TUBGCP5: variants seen among roughly 807,000 people sequenced by gnomAD.
The protein encoded by TUBGCP5 is gamma-tubulin complex component 5.
Under a neutral mutation model 134.7 loss-of-function variants are expected in TUBGCP5, and 98 were observed. The observed-to-expected ratio is 0.73, with a 90% CI of 0.62 to 0.86. TUBGCP5 has a LOEUF of 0.86. Ranked by LOEUF, TUBGCP5 falls within the 40% of genes least tolerant of loss-of-function variation. TUBGCP5 has a pLI of 0.00. For synonymous variants in TUBGCP5, 456 were observed against 431.4 expected, an observed-to-expected ratio of 1.06 and a Z score of -0.71; for missense variants, 1,150 against 1,244.8, an observed-to-expected ratio of 0.92 and a Z score of 1.15.
chr15:23,034,093 C>CA (rs1262961281), intron 3 of TUBGCP5, among the ~76,000 whole-genome samples: 1 of 152,174 alleles, frequency 6.6e-6, no homozygotes, highest in African/African-American at 2.4e-5. Context: ...TCTGTATGCT[C>CA]AGATCTTGAA....
intron 23 of TUBGCP5, among the ~76,000 whole-genome samples, chr15:22,990,792 C>A (rs534073146): frequency 1.3e-5 from 2 of 152,252 alleles, no homozygotes; most frequent in South Asian, 2.1e-4. Context: ...TCTGAAGGGG[C>A]CCTAAATCCA....
chr15:22,999,878 A>G lies in TUBGCP5; in HGVS notation c.3029-12T>C, dbSNP rs2064268325. 2.5e-6 allele frequency: 4 copies of G among 1,613,436 alleles called. No individual in the cohort carries two copies. In the African/African-American group the frequency reaches 4.0e-5, roughly 16 times the overall value. On this transcript the variant is annotated splice_polypyrimidine_tract_variant and intron_variant, in intron 22 of 22. Coordinates refer to ENST00000615383, the MANE Select transcript of TUBGCP5 (RefSeq NM_052903.6). ...CGCTAGAGATTCCACTGTGGGAAGAATAAAAATAAGGTTAAAACAATAGGT... is the reference window on the plus strand; with the variant it reads ...CGCTAGAGATTCCACTGTGGGAAGAGTAAAAATAAGGTTAAAACAATAGGT...
intron 3 of TUBGCP5, among the ~76,000 whole-genome samples, chr15:23,036,671 C>T (rs912053192): frequency 5.3e-5 from 8 of 152,056 alleles, no homozygotes; most frequent in Admixed American, 2.0e-4. Context: ...TCTCTCTTTC[C>T]TTAGTAGGAC....
Position 22,988,481 on chromosome 15 carries a change from C to A in TUBGCP5, c.*62-4870G>T, listed in dbSNP as rs112037773. Among the ~76,000 whole-genome samples, 15 of 151,760 alleles carry A rather than the reference C, an allele frequency of 9.9e-5. 1 individual carries two copies. The highest frequency in any genetic ancestry group is 1.8e-4 in the Non-Finnish European group (12 of 67,982). ...GGTTGCGGTGGCTGAAGCCTGTAAT[C>A]CCAGCACTTTGGGAGGCCAAGGCGG... On this transcript the variant is annotated intron_variant and NMD_transcript_variant, in intron 23 of 23. Coordinates refer to the TUBGCP5 transcript ENST00000614508.
chr15:22,990,968 G>A (rs2063827003), intron 23 of TUBGCP5, among the ~76,000 whole-genome samples: 1 of 152,146 alleles, frequency 6.6e-6, no homozygotes, highest in Non-Finnish European at 1.5e-5. Context: ...TGGCCCTATT[G>A]CTCCCTTGAA....
rs2066623936 is a variant in TUBGCP5, at chr15:23,036,944, T to C, written c.262A>G (p.Thr88Ala). ...LSKAASWKRL[T>A]EEFLNAPLPS... ...AGTGGTGCATTTAGAAATTCCTCCGTTAATCTCTTCCAACTAGCAGCTTTG... is the reference window on the plus strand; with the variant it reads ...AGTGGTGCATTTAGAAATTCCTCCGCTAATCTCTTCCAACTAGCAGCTTTG... The change falls in exon 3 of 23, where the codon ACG becomes GCG. Residue 88 changes from threonine to alanine, a missense_variant. Thr to Ala is a moderately conservative substitution (Grantham distance 58). This residue lies in a region of TUBGCP5 where 453 missense variants were observed against 394.7 expected (regional missense o/e 1.15). Transcript: ENST00000615383. The C allele has an allele frequency of 6.2e-7, 1 of 1,612,822 alleles. No homozygotes were observed.
chr15:22,997,691 A>C (rs1024195665), downstream of TUBGCP5, among the ~76,000 whole-genome samples: 1 of 150,916 alleles, frequency 6.6e-6, no homozygotes, highest in Non-Finnish European at 1.5e-5. Context: ...ATCTCAGCTC[A>C]CTGCAACCTC....
chr15:23,037,216 T>C (rs910247172), intron 1 of TUBGCP5, 64 bp from the exon 2 acceptor site: 1 of 1,463,786 alleles, frequency 6.8e-7, no homozygotes, highest in Non-Finnish European at 9.5e-7. Flanking sequence ...ACTCATCTCA[T>C]GGCCCTCCAT....
chr15:23,039,331 C>T, intron 1 of TUBGCP5, 67 bp downstream of exon 1: 2 of 1,251,874 alleles, frequency 1.6e-6, no homozygotes, highest in Non-Finnish European at 1.0e-6. Context: ...CGACCCCGGG[C>T]TGTGCGGGAC....
chr15:23,029,709 C>T (rs186764542), intron 6 of TUBGCP5, among the ~76,000 whole-genome samples: 1 of 152,188 alleles, frequency 6.6e-6, no homozygotes, highest in East Asian at 1.9e-4. Context: ...CATGGTGAAA[C>T]CCTGTCTCTA....
intron 6 of TUBGCP5, among the ~76,000 whole-genome samples, chr15:23,030,201 A>G (rs2066226191): frequency 6.6e-6 from 1 of 152,108 alleles, no homozygotes; most frequent in Non-Finnish European, 1.5e-5. Flanking sequence ...GTCTCCAAAA[A>G]AAAAGAAAAG....
chr15:23,019,272 C>T lies in TUBGCP5; in HGVS notation c.1434G>A (p.Glu478=), dbSNP rs369485377. Residue 478 remains glutamate (E), a synonymous_variant, in exon 12 of 23, where the codon GAG becomes GAA. Coordinates refer to ENST00000615383, the MANE Select transcript of TUBGCP5 (RefSeq NM_052903.6). ...CCCACAGGTGCCCGTGCACGATCCA[C>T]TCGTCCACCGTCTGCAGGTAAGGCC... The part of the protein sequence containing the change: ...TVRPYLQTVD[E]WIVHGHLWDG... The T allele has an allele frequency of 2.5e-6, 4 of 1,613,984 alleles. No homozygotes were observed. The highest frequency in any genetic ancestry group is 1.3e-5 in the African/African-American group (1 of 74,914).
At chr15:22,998,086 G>T (rs1289650717), downstream of TUBGCP5, among the ~76,000 whole-genome samples, 3 of 152,050 alleles carry the variant, frequency 2.0e-5, no homozygotes, top group African/African-American at 4.8e-5. Flanking sequence ...AGGCTAAGGC[G>T]GGTGGATCAC....
At chr15:22,991,954 C>T (rs530177654) in intron 23 of TUBGCP5, among the ~76,000 whole-genome samples, 5 of 152,236 alleles carry the variant, frequency 3.3e-5, no homozygotes, top group African/African-American at 1.2e-4. Flanking sequence ...TCTTGAGCAC[C>T]GTCTGGTCCA....
intron 6 of TUBGCP5, among the ~76,000 whole-genome samples, chr15:23,029,285 G>T (rs144253558): frequency 6.6e-6 from 1 of 152,116 alleles, no homozygotes; most frequent in Non-Finnish European, 1.5e-5. Flanking sequence ...GCAATGGTGT[G>T]ATCTTGGCTC....
intron 23 of TUBGCP5, among the ~76,000 whole-genome samples, chr15:22,987,506 A>G (rs2063714868): frequency 6.6e-6 from 1 of 152,060 alleles, no homozygotes; most frequent in Admixed American, 6.6e-5. Flanking sequence ...TTGAAACCCC[A>G]TCACCAAGAT....
chr15:23,021,280 A>AT (rs1352148463), intron 11 of TUBGCP5, among the ~76,000 whole-genome samples: 13 of 152,076 alleles, frequency 8.5e-5, no homozygotes, highest in African/African-American at 3.1e-4. Flanking sequence ...CTAGATTTGT[A>AT]TTTTTTAAAA....
intron 16 of TUBGCP5, among the ~76,000 whole-genome samples, chr15:23,008,275 C>T (rs1391199636): frequency 6.6e-6 from 1 of 151,166 alleles, no homozygotes; most frequent in Non-Finnish European, 1.5e-5. Context: ...TCAATTTTTT[C>T]TTTTTTTTTA....
intron 23 of TUBGCP5, among the ~76,000 whole-genome samples, chr15:22,985,219 T>C (rs1317407388): frequency 6.8e-6 from 1 of 146,158 alleles, no homozygotes; most frequent in African/African-American, 2.5e-5. Context: ...TTTTGTTTTT[T>C]CTTTTTTGTT....
Sources: gnomAD v4.1 joint callset for allele counts (sites outside exome capture counted in the v4.1 genomes callset) on GRCh38, gnomAD v4.1.1 for gene constraint, gnomAD v4.1.1 regional missense constraint, MANE v1.5 for transcripts, NCBI Gene and HGNC (gene_info 2026-07-23, HGNC 2026-07-21) for gene names.